BCLAF1: variants seen among roughly 807,000 people sequenced by gnomAD.
The protein encoded by BCLAF1 is bcl-2-associated transcription factor 1.
Under a neutral mutation model 99.5 loss-of-function variants are expected in BCLAF1, and 10 were observed. The observed-to-expected ratio is 0.10, with a 90% confidence interval of 0.06 to 0.17. BCLAF1 has a LOEUF of 0.17. Ranked by LOEUF, BCLAF1 falls within the 10% of genes least tolerant of loss-of-function variation. The pLI, the probability that BCLAF1 is intolerant of heterozygous loss-of-function variation, is 1.00. For synonymous variants in BCLAF1, 255 were observed against 370.9 expected (o/e 0.69, Z 3.59); for missense variants, 636 against 1,105.8 (o/e 0.58, Z 6.02).
chr6:136,274,239 A>G (rs1018299467), intron 6 of BCLAF1: 30 of 1,041,836 alleles, frequency 2.9e-5, no homozygotes, highest in Non-Finnish European at 3.5e-5. Flanking sequence ...AGCTCTATAT[A>G]AAGTAAGAGC....
rs1199812983 is a variant in BCLAF1 at position 136,276,128 on chromosome 6, T to C, written c.1397A>G (p.Tyr466Cys). 1 of 1,613,268 alleles carries C rather than the reference T, an allele frequency of 6.2e-7. No homozygotes were observed. The highest frequency in any genetic ancestry group is 8.5e-7 in the Non-Finnish European group (1 of 1,179,858). The change falls in exon 5 of 13, where the codon TAT becomes TGT. Residue 466 changes from tyrosine to cysteine, a missense_variant. By Grantham distance (194) the Tyr-to-Cys change is radical. Around this residue, in one of 9 missense-constraint regions of BCLAF1, gnomAD observed 186 missense variants for 275.3 expected, o/e 0.68. Transcript: ENST00000531224. ...TGTAGTGCTAGGCCTTTCCACTACA[T>C]ATCCAGTCTCTTTAAGTTTATAATT... ...EKNYKLKETG[Y>C]VVERPSTTKD...
chr6:136,282,289 A>G (rs1044279491), intron 2 of BCLAF1, among the ~76,000 whole-genome samples: 7 of 152,126 alleles, frequency 4.6e-5, no homozygotes, highest in Non-Finnish European at 1.0e-4. Flanking sequence ...TCTTGTTTAC[A>G]TTAGGGAAAT....
chr6:136,284,133 T>TATATAC (rs1208721891), intron 1 of BCLAF1, among the ~76,000 whole-genome samples: 3 of 67,598 alleles, frequency 4.4e-5, no homozygotes, highest in African/African-American at 1.0e-4. Flanking sequence ...TGTGTGTGTA[T>TATATAC]ATATATATAT....
chr6:136,284,261 C>T (rs1235574276), intron 1 of BCLAF1, among the ~76,000 whole-genome samples: 5 of 151,542 alleles, frequency 3.3e-5, no homozygotes, highest in African/African-American at 1.2e-4. Context: ...ACAGGGAATA[C>T]AGGCTGTTAG....
rs1285244596 is a variant in BCLAF1 at position 136,258,339 on chromosome 6, T to C, written c.*2771A>G. On this transcript the variant is annotated 3_prime_UTR_variant, in exon 13 of 13. Transcript: ENST00000531224. ...ATTTCAAAATAATTTTGGCTTAGAT[T>C]TACCAACTGTAAAATTTCCCATTTT... 1 of 152,006 alleles carries C rather than the reference T, an allele frequency of 6.6e-6. No individual in the cohort carries two copies. Among genetic ancestry groups the C allele is most frequent in the African/African-American group, 2.4e-5 (1 of 41,406 alleles). The allele number at this position is 152,006 out of a possible 1,614,324, so 9.4% of individuals were successfully genotyped here.
chr6:136,274,630 T>C (rs1783002747), intron 6 of BCLAF1, among the ~76,000 whole-genome samples: 1 of 152,020 alleles, frequency 6.6e-6, no homozygotes, highest in Non-Finnish European at 1.5e-5. Context: ...TGTTCTCATG[T>C]CAAACGACAG....
chr6:136,263,446 C>T lies in BCLAF1; in HGVS notation c.2545-1969G>A, dbSNP rs541120643. Among the ~76,000 whole-genome samples the T allele has an allele frequency of 1.1e-4, 16 of 152,220 alleles. No homozygotes were observed. In the South Asian group the frequency reaches 1.7e-3, roughly 16 times the overall value. ...CTTTCGTAGGGCATCCTGGCAGCTA[C>T]TTAATTGAGATTTTTGATGCTAAAC... is the stretch of plus-strand genomic sequence containing the variant. On this transcript the variant is annotated intron_variant, in intron 11 of 12. Transcript: ENST00000531224.
intron 11 of BCLAF1, among the ~76,000 whole-genome samples, chr6:136,262,498 T>C (rs1214506911): frequency 6.6e-6 from 1 of 152,146 alleles, no homozygotes; most frequent in Non-Finnish European, 1.5e-5. Flanking sequence ...TTTGGATATA[T>C]TCATTTAACT....
intron 4 of BCLAF1, among the ~76,000 whole-genome samples, 156 bp from the exon 5 acceptor site, chr6:136,276,664 G>A (rs1015039596): frequency 6.6e-6 from 1 of 152,102 alleles, no homozygotes. Context: ...AAAAATCATT[G>A]AAAGCATCCA....
At chr6:136,286,443 C>T (rs1785140870) in intron 1 of BCLAF1, among the ~76,000 whole-genome samples, 1 of 152,182 alleles carries the variant, frequency 6.6e-6, no homozygotes, top group South Asian at 2.1e-4. Context: ...ACTAATGGTA[C>T]TTCCTTACAA....
At chr6:136,284,317 G>A (rs1018724412) in intron 1 of BCLAF1, among the ~76,000 whole-genome samples, 1 of 151,592 alleles carries the variant, frequency 6.6e-6, no homozygotes, top group African/African-American at 2.4e-5. Flanking sequence ...ATATATTCAA[G>A]TATCCACACC....
chr6:136,275,473 ATTTT>A (rs974434383), intron 6 of BCLAF1, 55 bp downstream of exon 6: 7 of 1,416,300 alleles, frequency 4.9e-6, no homozygotes, highest in Non-Finnish European at 6.6e-6. Flanking sequence ...ATAATTACAC[ATTTT>A]TTTATTTGCA....
At chr6:136,274,846 A>AT (rs1389863218) in intron 6 of BCLAF1, among the ~76,000 whole-genome samples, 1 of 151,732 alleles carries the variant, frequency 6.6e-6, no homozygotes, top group African/African-American at 2.4e-5. Context: ...ACTGGTAAAA[A>AT]TTTAAAAAAA....
At chr6:136,282,427 TAAC>T (rs1171500326) in intron 2 of BCLAF1, among the ~76,000 whole-genome samples, 154 bp downstream of exon 2, 1 of 152,112 alleles carries the variant, frequency 6.6e-6, no homozygotes, top group Non-Finnish European at 1.5e-5. Context: ...AAAACTAACT[TAAC>T]ATCTGACTTA....
chr6:136,282,759 T>C (rs148169654), intron 1 of BCLAF1, 72 bp from the exon 2 acceptor site: 19 of 152,178 alleles, frequency 1.2e-4, no homozygotes, highest in African/African-American at 4.6e-4. Flanking sequence ...ATGCATATAA[T>C]GGGCACTGCC....
intron 11 of BCLAF1, among the ~76,000 whole-genome samples, chr6:136,264,267 C>T (rs1024047509): frequency 1.3e-5 from 2 of 152,136 alleles, no homozygotes; most frequent in Non-Finnish European, 2.9e-5. Flanking sequence ...AGTATAATGG[C>T]GCAACCTTGG....
At chr6:136,268,087 G>C (rs1781970800) in intron 10 of BCLAF1, 75 bp downstream of exon 10, 1 of 1,296,622 alleles carries the variant, frequency 7.7e-7, no homozygotes, top group South Asian at 1.8e-5. Context: ...TCTAAATCAT[G>C]TATATGACCT....
Position 136,257,984 on chromosome 6 carries a change from TACAC to T in BCLAF1, c.*3122_*3125del, listed in dbSNP as rs1403085743. On this transcript the variant is annotated 3_prime_UTR_variant, in exon 13 of 13. Transcript: ENST00000531224. Reference sequence around the variant, plus strand: ...AGTATAATTAAGCTACCAATGATCTTACACAACACTTTACATGCATATGTATGTA... The same window carrying T: ...AGTATAATTAAGCTACCAATGATCTTAACACTTTACATGCATATGTATGTA... The T allele has an allele frequency of 6.6e-6, 1 of 152,156 alleles. No homozygotes were observed. The highest frequency in any genetic ancestry group is 2.4e-5 in the African/African-American group (1 of 41,460). 9.4% of individuals were successfully genotyped at this position (152,156 alleles called of 1,614,324 possible).
intron 8 of BCLAF1, among the ~76,000 whole-genome samples, chr6:136,271,751 T>G (rs548000956): frequency 4.0e-4 from 61 of 151,594 alleles, no homozygotes; most frequent in African/African-American, 1.4e-3. Context: ...ACACTTTTCT[T>G]AGGACTATTT....
Sources: gnomAD v4.1 joint callset for allele counts (sites outside exome capture counted in the v4.1 genomes callset) on GRCh38, gnomAD v4.1.1 for gene constraint, gnomAD v4.1.1 regional missense constraint, MANE v1.5 for transcripts, NCBI Gene and HGNC (gene_info 2026-07-23, HGNC 2026-07-21) for gene names.